The following FRMD4A variants were observed in gnomAD, a reference collection of about 807,000 sequenced individuals.
FRMD4A encodes the protein FERM domain containing 4A, also known as FERM domain-containing protein 4A.
A neutral mutation model predicts 129.1 loss-of-function variants in FRMD4A; 29 were observed. The observed-to-expected ratio is 0.22, with a 90% CI of 0.17 to 0.31. The LOEUF is 0.31. Among genes scored for constraint, FRMD4A ranks in the 10% least tolerant of loss-of-function variants. The pLI is 1.00. For missense variants in FRMD4A, 1,272 were observed against 1,375.8 expected, an observed-to-expected ratio of 0.92 and a Z score of 1.19; for synonymous variants, 634 against 571.6, an observed-to-expected ratio of 1.11 and a Z score of -1.56.
chr10:14,082,865 A>G (rs1836010251), intron 2 of FRMD4A: 1 of 152,212 alleles, frequency 6.6e-6, no homozygotes. Context: ...TAGATTTTAC[A>G]AGAATGTTCA....
At chr10:14,036,532 G>T (rs1225256410) in intron 2 of FRMD4A, among the ~76,000 whole-genome samples, 2 of 152,160 alleles carry the variant, frequency 1.3e-5, no homozygotes, top group African/African-American at 4.8e-5. Flanking sequence ...GCTTGCATTT[G>T]TACTTTCTGG....
intron 2 of FRMD4A, among the ~76,000 whole-genome samples, chr10:14,069,106 AG>A (rs1835199629): frequency 6.6e-6 from 1 of 151,976 alleles, no homozygotes. Flanking sequence ...TTCACTTTTT[AG>A]GGAAATATCA....
intron 2 of FRMD4A, among the ~76,000 whole-genome samples, chr10:14,035,782 C>G (rs1238837533): frequency 6.6e-6 from 1 of 152,302 alleles, no homozygotes; most frequent in East Asian, 1.9e-4. Context: ...ATGAAATAGA[C>G]TAAAGATATG....
intron 2 of FRMD4A, among the ~76,000 whole-genome samples, chr10:14,000,646 C>CAAAGAAAA (rs769448624): frequency 2.3e-5 from 1 of 43,478 alleles, no homozygotes; most frequent in Non-Finnish European, 4.2e-5. Context: ...GACGCCACCT[C>CAAAGAAAA]AAAAAAAAAA....
At chr10:14,316,006 C>G (rs1422688837) in intron 2 of FRMD4A, among the ~76,000 whole-genome samples, 1 of 152,222 alleles carries the variant, frequency 6.6e-6, no homozygotes, top group Non-Finnish European at 1.5e-5. Context: ...CTGCTCTGTG[C>G]TCTAGTCATA....
intron 2 of FRMD4A, among the ~76,000 whole-genome samples, chr10:13,884,226 A>ACTCT (rs1564972001): frequency 1.9e-4 from 29 of 149,586 alleles, no homozygotes; most frequent in African/African-American, 7.2e-4. Context: ...ACACACACAC[A>ACTCT]CACACACACA....
intron 2 of FRMD4A, among the ~76,000 whole-genome samples, chr10:14,238,073 C>T (rs1267689743): frequency 1.3e-5 from 2 of 152,188 alleles, no homozygotes; most frequent in South Asian, 2.1e-4. Flanking sequence ...CACTGCTCCC[C>T]GCTGGAGTCC....
intron 3 of FRMD4A, among the ~76,000 whole-genome samples, chr10:13,816,340 C>A (rs538938948): frequency 6.6e-6 from 1 of 152,290 alleles, no homozygotes; most frequent in African/African-American, 2.4e-5. Context: ...CTGGCAACAG[C>A]CCAGAAGGTG....
chr10:13,935,597 A>T (rs1270537875), intron 2 of FRMD4A, among the ~76,000 whole-genome samples: 3 of 152,116 alleles, frequency 2.0e-5, no homozygotes, highest in African/African-American at 7.2e-5. Flanking sequence ...ACTGATAAAG[A>T]CAAGTTTATC....
intron 2 of FRMD4A, among the ~76,000 whole-genome samples, chr10:14,314,368 A>C (rs1017587014): frequency 4.6e-5 from 7 of 152,196 alleles, no homozygotes; most frequent in African/African-American, 1.7e-4. Flanking sequence ...GAAGGCAAGA[A>C]AATGTATCTT....
In FRMD4A at chr10:13,693,174, A is replaced by G. The variant is rs922533214; in HGVS notation, c.1117+724T>C. Reference sequence around the variant, plus strand: ...GAGGTGTGAGCCACCGTGCCCGGCCACAATGCCCTTTTCTAACATTTCCAA... The same window carrying G: ...GAGGTGTGAGCCACCGTGCCCGGCCGCAATGCCCTTTTCTAACATTTCCAA... On this transcript the variant is annotated intron_variant, in intron 15 of 24. Transcript: ENST00000357447. 4 of 160,650 alleles carry G rather than the reference A, an allele frequency of 2.5e-5. No individual in the cohort carries two copies. In the South Asian group the frequency reaches 6.8e-4, roughly 27 times the overall value. 10.0% of individuals were successfully genotyped at this position (160,650 alleles called of 1,614,324 possible).
At chr10:14,287,136 G>T (rs1845706339) in intron 2 of FRMD4A, among the ~76,000 whole-genome samples, 1 of 107,290 alleles carries the variant, frequency 9.3e-6, no homozygotes, top group Non-Finnish European at 1.8e-5. Flanking sequence ...TCTTTGACAG[G>T]CCCCCCGCTC....
In FRMD4A at chr10:14,308,400, TA is replaced by T. The variant is rs60990251; in HGVS notation, c.45+21657del. Among the ~76,000 whole-genome samples, 201 of 151,782 alleles carry T rather than the reference TA, an allele frequency of 1.3e-3. No individual in the cohort carries two copies. The Middle Eastern group carries it at 0.014, about 10-fold the overall frequency. On this transcript the variant is annotated intron_variant, in intron 2 of 24. Transcript: ENST00000357447. ...TGGATACTGACTACCAATTTATTAT[TA>T]TTTTTTTTTCTTGAGGGAAGTAGTG...
At chr10:14,316,524 AAAG>A (rs1554808602) in intron 2 of FRMD4A, among the ~76,000 whole-genome samples, 5,020 of 132,354 alleles carry the variant, frequency 0.038, 285 homozygotes, top group African/African-American at 0.12. Context: ...AAAAAAAAAA[AAAG>A]AAGAAGAAGA....
At chr10:13,918,777 C>T (rs531126624) in intron 2 of FRMD4A, among the ~76,000 whole-genome samples, 131 of 152,092 alleles carry the variant, frequency 8.6e-4, no homozygotes, top group African/African-American at 3.1e-3. Flanking sequence ...ATCCGCCTGC[C>T]TCGGCCTCCC....
intron 9 of FRMD4A, among the ~76,000 whole-genome samples, chr10:13,745,151 A>G (rs781724122): frequency 1.1e-4 from 17 of 152,232 alleles, no homozygotes; most frequent in Non-Finnish European, 2.1e-4. Context: ...CACATTATGT[A>G]CAGATATCAG....
intron 2 of FRMD4A, among the ~76,000 whole-genome samples, chr10:14,240,535 C>A (rs963986881): frequency 6.6e-6 from 1 of 152,140 alleles, no homozygotes; most frequent in Non-Finnish European, 1.5e-5. Context: ...GGCTACGGGC[C>A]ATTTCTGGTC....
At chr10:13,770,644 A>G (rs572442928) in intron 6 of FRMD4A, among the ~76,000 whole-genome samples, 1 of 151,772 alleles carries the variant, frequency 6.6e-6, no homozygotes. Flanking sequence ...GGGTCTCACT[A>G]TGTTTCTCAG....
At chr10:13,756,388 C>T (rs1342385516) in intron 8 of FRMD4A, among the ~76,000 whole-genome samples, 2 of 152,202 alleles carry the variant, frequency 1.3e-5, no homozygotes, top group Non-Finnish European at 2.9e-5. Context: ...CAGGGTCTCG[C>T]TCTATTACTC....
Sources: allele counts gnomAD v4.1 joint callset (sites outside exome capture counted in the v4.1 genomes callset), GRCh38; gene constraint gnomAD v4.1.1; transcripts MANE v1.5; gene names NCBI Gene and HGNC (gene_info 2026-07-23, HGNC 2026-07-21).